Variants in MICAL2 observed in about 807,000 individuals in gnomAD.
MICAL2 encodes the protein microtubule associated monooxygenase, calponin and LIM domain containing 2.
Under a neutral mutation model 127.3 loss-of-function variants are expected in MICAL2, and 77 were observed. That is an observed-to-expected ratio of 0.60 (90% CI 0.50 to 0.73). The LOEUF is 0.73. Among genes scored for constraint, MICAL2 ranks in the 30% least tolerant of loss-of-function variants. The pLI is 0.00. For missense variants in MICAL2, 1,351 were observed against 1,434.4 expected (o/e 0.94, Z 0.94); for synonymous variants, 570 against 551.1 (o/e 1.03, Z -0.48).
intron 1 of MICAL2, chr11:12,116,637 C>T (rs1014049238): frequency 3.9e-5 from 6 of 152,334 alleles, no homozygotes; most frequent in Middle Eastern, 3.4e-3. Flanking sequence ...ACATCGATCA[C>T]GTGGCCTCAG....
chr11:12,349,450 AAAG>A (rs1324669152), intron 32 of MICAL2, among the ~76,000 whole-genome samples: 3 of 152,022 alleles, frequency 2.0e-5, no homozygotes, highest in Non-Finnish European at 4.4e-5. Context: ...TGGGGGAGAA[AAAG>A]AAGAAGGAAA....
chr11:12,252,886 G>A (rs1450154971), intron 22 of MICAL2: 1 of 152,184 alleles, frequency 6.6e-6, no homozygotes, highest in Non-Finnish European at 1.5e-5. Context: ...CTGCCCAGAG[G>A]CCCTGCAGCC....
chr11:12,243,935 C>A (rs1469408439), intron 20 of MICAL2, 52 bp from the exon 21 acceptor site: 2 of 1,603,474 alleles, frequency 1.2e-6, no homozygotes, highest in Admixed American at 1.7e-5. Context: ...CATGTATCAC[C>A]ATGTGTGACT....
intron 32 of MICAL2, among the ~76,000 whole-genome samples, chr11:12,333,647 C>G (rs1282954448): frequency 2.0e-5 from 3 of 152,038 alleles, no homozygotes; most frequent in Admixed American, 6.5e-5. Context: ...TACAAGTAAA[C>G]TATTAAACAT....
In MICAL2 at chr11:12,149,643, G is replaced by A. The variant is rs541960763; in HGVS notation, c.-78+11183G>A. 8.7e-4 allele frequency among the ~76,000 whole-genome samples: 133 copies of A among 152,318 alleles called. 3 individuals carry two copies. In the South Asian group the frequency reaches 0.025, roughly 29 times the overall value. On this transcript the variant is annotated intron_variant, in intron 2 of 27. Coordinates refer to ENST00000683283, the MANE Select transcript of MICAL2 (RefSeq NM_001282663.2). The stretch of plus-strand genomic sequence containing the variant: ...GAAAAGGGGCAGAGAAATTTGACTC[G>A]AAGGATTTGGCTGCAGAGTCACGAT...
At chr11:12,156,170 G>T (rs372666502) in intron 2 of MICAL2, among the ~76,000 whole-genome samples, 3 of 152,214 alleles carry the variant, frequency 2.0e-5, no homozygotes, top group African/African-American at 7.2e-5. Flanking sequence ...TGTGGCAAAA[G>T]GGGGAAGGTC....
At chr11:12,288,637 C>T (rs190566692), downstream of MICAL2, among the ~76,000 whole-genome samples, 364 of 152,342 alleles carry the variant, frequency 2.4e-3, 1 homozygote, top group Non-Finnish European at 1.7e-3. Context: ...AGCCTAGTGT[C>T]TAGCATGGTC....
chr11:12,237,885 G>A (rs574806919), intron 16 of MICAL2, among the ~76,000 whole-genome samples: 1 of 152,176 alleles, frequency 6.6e-6, no homozygotes, highest in Non-Finnish European at 1.5e-5. Context: ...GAAAGTGCTG[G>A]CCTGTATGGC....
At chr11:12,219,380 A>G (rs904904467) in intron 8 of MICAL2, among the ~76,000 whole-genome samples, 3 of 152,022 alleles carry the variant, frequency 2.0e-5, no homozygotes, top group Non-Finnish European at 2.9e-5. Context: ...TGCACTCCCC[A>G]TGAAAGAAGC....
At chr11:12,142,265 G>C (rs912343691) in intron 2 of MICAL2, among the ~76,000 whole-genome samples, 1 of 152,206 alleles carries the variant, frequency 6.6e-6, no homozygotes, top group Non-Finnish European at 1.5e-5. Flanking sequence ...AGAGGTTGAG[G>C]CTTCTTATGT....
At chr11:12,310,086 A>G (rs555588913) in intron 29 of MICAL2, among the ~76,000 whole-genome samples, 1 of 152,270 alleles carries the variant, frequency 6.6e-6, no homozygotes, top group South Asian at 2.1e-4. Context: ...ATCCCTTTTC[A>G]GATGGATACT....
At chr11:12,268,151 C>G (rs547537306), downstream of MICAL2, among the ~76,000 whole-genome samples, 2 of 152,230 alleles carry the variant, frequency 1.3e-5, no homozygotes, top group African/African-American at 4.8e-5. Flanking sequence ...CAGCATGGTT[C>G]AGGAGGGAGA....
rs1412026132 is a variant in MICAL2 at position 12,149,137 on chromosome 11, C to T, written c.-78+10677C>T. ...ACAAGGTAAACAGAGTCCAGATAGGCATTCCAGACAGAGGGATCAGCATCA... is the reference window on the plus strand; with the variant it reads ...ACAAGGTAAACAGAGTCCAGATAGGTATTCCAGACAGAGGGATCAGCATCA... On this transcript the variant is annotated intron_variant, in intron 2 of 27. Coordinates refer to ENST00000683283, the MANE Select transcript of MICAL2 (RefSeq NM_001282663.2). Among the ~76,000 whole-genome samples, 3 of 152,248 alleles carry T rather than the reference C, an allele frequency of 2.0e-5. No homozygotes were observed. In the East Asian group the frequency reaches 5.8e-4, roughly 29 times the overall value.
intron 2 of MICAL2, among the ~76,000 whole-genome samples, chr11:12,143,914 TG>T: frequency 6.6e-6 from 1 of 151,528 alleles, no homozygotes. Context: ...ATCATTAGAG[TG>T]GAAAGAATAA....
At chr11:12,243,354 AGCATGT>A (rs1189400511) in intron 20 of MICAL2, 1 of 152,926 alleles carries the variant, frequency 6.5e-6, no homozygotes, top group Admixed American at 6.5e-5. Context: ...TGAAAAGAAG[AGCATGT>A]GCTCAAGAGG....
intron 32 of MICAL2, among the ~76,000 whole-genome samples, chr11:12,339,212 G>A (rs926280929): frequency 4.6e-5 from 7 of 151,688 alleles, no homozygotes; most frequent in Non-Finnish European, 7.4e-5. Flanking sequence ...ATCTTTCATC[G>A]CTGATACCCT....
chr11:12,202,894 T>G (rs7107593), intron 3 of MICAL2, among the ~76,000 whole-genome samples: 1,589 of 152,332 alleles, frequency 0.01, 38 homozygotes, highest in African/African-American at 0.034. Context: ...ATTCCAGAAC[T>G]TCCCAAAAAT....
chr11:12,330,822 G>GAGAGAGAGAGAGAGAGAGAGAGA (rs1555022632), intron 32 of MICAL2, among the ~76,000 whole-genome samples: 2 of 129,520 alleles, frequency 1.5e-5, no homozygotes, highest in African/African-American at 2.9e-5. Flanking sequence ...AGAGAGAGAG[G>GAGAGAGAGAGAGAGAGAGAGAGA]GAGAGACAGA....
intron 29 of MICAL2, among the ~76,000 whole-genome samples, chr11:12,302,767 A>G (rs1024758029): frequency 7.9e-5 from 12 of 152,086 alleles, no homozygotes; most frequent in Non-Finnish European, 1.6e-4. Context: ...ACTTCAAGCG[A>G]TCTTCCCACT....
Sources: allele counts gnomAD v4.1 joint callset (sites outside exome capture counted in the v4.1 genomes callset), GRCh38; gene constraint gnomAD v4.1.1; transcripts MANE v1.5; gene names NCBI Gene and HGNC (gene_info 2026-07-23, HGNC 2026-07-21).